DNAH9: variants seen among roughly 807,000 people sequenced by gnomAD.
DNAH9 encodes DNAH9 variant protein.
In DNAH9, 345 loss-of-function variants were observed where a neutral mutation model predicts 471.6. The observed-to-expected ratio is 0.73, with a 90% CI of 0.67 to 0.80. DNAH9 has a LOEUF of 0.80. DNAH9 is among the 30% of genes least tolerant of loss of function. The pLI is 0.00. For synonymous variants in DNAH9, 2,093 were observed against 2,123.6 expected, an observed-to-expected ratio of 0.99 and a Z score of 0.40; for missense variants, 5,407 against 5,609.2, an observed-to-expected ratio of 0.96 and a Z score of 1.15.
At chr17:11,902,518 T>C (rs899289944) in intron 59 of DNAH9, among the ~76,000 whole-genome samples, 100 of 152,304 alleles carry the variant, frequency 6.6e-4, no homozygotes, top group Non-Finnish European at 1.3e-3. Flanking sequence ...AAATCTTGCA[T>C]GTTATTGGGG....
At chr17:11,833,808 A>G (rs1201638724) in intron 48 of DNAH9, among the ~76,000 whole-genome samples, 1 of 152,154 alleles carries the variant, frequency 6.6e-6, no homozygotes, top group East Asian at 1.9e-4. Flanking sequence ...TATATGTTCT[A>G]TCATTGTCCA....
rs2072908885 is a variant in DNAH9 at position 11,623,245 on chromosome 17, A to T, written c.1350+3464A>T. ...CAGCTTGGCCTCCCAAAGTGCTGGG[A>T]TTACAGGTGTGAGCCACCGTGCCCG... On this transcript the variant is annotated intron_variant, in intron 6 of 68. Transcript: ENST00000262442. This position sits in a 1 kb window ranked among gnomAD's most constrained non-coding sequence, Gnocchi z 4.1. Among the ~76,000 whole-genome samples, 1 of 152,008 alleles carries T rather than the reference A, an allele frequency of 6.6e-6. No homozygotes were observed. Among genetic ancestry groups the T allele is most frequent in the Non-Finnish European group, 1.5e-5 (1 of 68,002 alleles).
In DNAH9 at chr17:11,871,864, T is replaced by C. The variant is rs535758115; in HGVS notation, c.10242+78T>C. On this transcript the variant is annotated intron_variant, in intron 52 of 68. Coordinates refer to ENST00000262442, the MANE Select transcript of DNAH9 (RefSeq NM_001372.4). Reference sequence around the variant, plus strand: ...GAAGACATCACGGTCATAATTCGCATCCTCTGGTGTCCTCCTGCACACTCA... The same window carrying C: ...GAAGACATCACGGTCATAATTCGCACCCTCTGGTGTCCTCCTGCACACTCA... 22 of 1,447,222 alleles carry C rather than the reference T, an allele frequency of 1.5e-5. No homozygotes were observed. The South Asian group carries it at 2.6e-4, about 17-fold the overall frequency. The allele number at this position is 1,447,222 out of a possible 1,614,324, so 89.6% of individuals were successfully genotyped here. A position where few individuals can be genotyped will look rare whatever the true frequency, so the allele number is the denominator to read the frequency against.
chr17:11,768,025 C>T (rs1336303330), intron 36 of DNAH9, among the ~76,000 whole-genome samples: 2 of 152,146 alleles, frequency 1.3e-5, no homozygotes, highest in Non-Finnish European at 2.9e-5. Flanking sequence ...GCGCTCTGTG[C>T]CCCAGGTGTC....
chr17:11,832,623 C>G (rs544455455), intron 48 of DNAH9, among the ~76,000 whole-genome samples: 12 of 152,204 alleles, frequency 7.9e-5, no homozygotes, highest in Non-Finnish European at 1.3e-4. Flanking sequence ...AAAGAGCATT[C>G]TCTTTTTTCC....
intron 32 of DNAH9, among the ~76,000 whole-genome samples, 163 bp downstream of exon 32, chr17:11,747,929 G>C (rs1181482779): frequency 6.6e-6 from 1 of 152,116 alleles, no homozygotes; most frequent in African/African-American, 2.4e-5. Context: ...ACCAATTTTG[G>C]CTTGCAGGGG....
intron 14 of DNAH9, among the ~76,000 whole-genome samples, chr17:11,660,445 C>A (rs1318618241): frequency 2.0e-5 from 3 of 151,604 alleles, no homozygotes; most frequent in African/African-American, 7.3e-5. Flanking sequence ...GCTTCAGCCT[C>A]CCAAATGGCT....
rs773663031 is a variant in DNAH9, at chr17:11,894,477, A to G, written c.11387A>G (p.Gln3796Arg). 1.9e-6 allele frequency: 3 copies of G among 1,614,156 alleles called. No homozygotes were observed. The highest frequency in any genetic ancestry group is 2.2e-5 in the South Asian group (2 of 91,080). ...AGCCCCGTGGAGTTCCTCTCCCATCAGGCGTGGGGAGCTGTCAAGGTCAGT... is the reference window on the plus strand; with the variant it reads ...AGCCCCGTGGAGTTCCTCTCCCATCGGGCGTGGGGAGCTGTCAAGGTCAGT... ...TASPVEFLSH[Q>R]AWGAVKVLSS... Residue 3796 changes from glutamine to arginine, a missense_variant, in exon 59 of 69, where the codon CAG (glutamine) becomes CGG (arginine). By Grantham distance (43) the Gln-to-Arg change is conservative. Transcript: ENST00000262442.
In DNAH9 at chr17:11,647,063, C is replaced by A; in HGVS notation, c.1971-9C>A. 6.2e-7 allele frequency: 1 copy of A among 1,613,348 alleles called. No individual in the cohort carries two copies. The highest frequency in any genetic ancestry group is 8.5e-7 in the Non-Finnish European group (1 of 1,179,608). On this transcript the variant is annotated splice_polypyrimidine_tract_variant and intron_variant, in intron 11 of 68. Coordinates refer to ENST00000262442, the MANE Select transcript of DNAH9 (RefSeq NM_001372.4). ...CTTATGAGGTGGCTGTTGTCTCTGA[C>A]CCTTGCAGGTATGAGACAAGACTTT...
At chr17:11,824,097 C>G (rs1047663195) in intron 48 of DNAH9, among the ~76,000 whole-genome samples, 1 of 152,150 alleles carries the variant, frequency 6.6e-6, no homozygotes, top group Non-Finnish European at 1.5e-5. Context: ...CCTCTGCTCA[C>G]GCCCATCAAA....
rs1426826976 is a variant in DNAH9, at chr17:11,669,205, G to T, written c.2873G>T (p.Arg958Met). 1 of 1,613,986 alleles carries T rather than the reference G, an allele frequency of 6.2e-7. No individual in the cohort carries two copies. Among genetic ancestry groups the T allele is most frequent in the African/African-American group, 1.3e-5 (1 of 74,990 alleles). ...IVEGLITSIF[R>M]IPSLVPRLSP... ...GAGGGTCTCATCACCAGCATTTTTAGGATACCATCTCTGGTGCCACGGCTT... is the reference window on the plus strand; with the variant it reads ...GAGGGTCTCATCACCAGCATTTTTATGATACCATCTCTGGTGCCACGGCTT... The change falls in exon 16 of 69, where the codon AGG becomes ATG. Residue 958 changes from arginine to methionine, a missense_variant. Arg to Met is a moderately conservative substitution (Grantham distance 91). Coordinates refer to ENST00000262442, the MANE Select transcript of DNAH9 (RefSeq NM_001372.4).
chr17:11,623,033 G>A lies in DNAH9; in HGVS notation c.1350+3252G>A, dbSNP rs1597399544. 6.9e-6 allele frequency among the ~76,000 whole-genome samples: 1 copy of A among 145,750 alleles called. No homozygotes were observed. The highest frequency in any genetic ancestry group is 2.5e-5 in the African/African-American group (1 of 39,422). On this transcript the variant is annotated intron_variant, in intron 6 of 68. Transcript: ENST00000262442. The surrounding 1 kb of genome is among the most constrained non-coding windows in gnomAD (Gnocchi z 4.1). The stretch of plus-strand genomic sequence containing the variant: ...TTGTTGCCCAGGCTGGAGTGCAGTG[G>A]CACAATCTCGGCTCACGACAACCTC...
chr17:11,712,854 AT>A (rs138805124), intron 26 of DNAH9, among the ~76,000 whole-genome samples: 16,830 of 146,206 alleles, frequency 0.12, 1,211 homozygotes, highest in Middle Eastern at 0.18. Context: ...GTCTTTGCTC[AT>A]TTTTTTTTTC....
At chr17:11,945,537 C>CAAAAAAAA (rs34040154) in intron 67 of DNAH9, among the ~76,000 whole-genome samples, 1 of 102,370 alleles carries the variant, frequency 9.8e-6, no homozygotes, top group Non-Finnish European at 2.0e-5. Flanking sequence ...GATTCCATCT[C>CAAAAAAAA]AAAAAAAAAA....
At chr17:11,677,888 T>C (rs1165246769) in intron 17 of DNAH9, among the ~76,000 whole-genome samples, 1 of 152,034 alleles carries the variant, frequency 6.6e-6, no homozygotes, top group African/African-American at 2.4e-5. Context: ...TTTAGTCTCT[T>C]CACAATGATT....
rs756404862 is a variant in DNAH9, at chr17:11,742,248, G to T, written c.6046G>T (p.Ala2016Ser). 8.7e-6 allele frequency: 14 copies of T among 1,613,916 alleles called. No individual in the cohort carries two copies. Among genetic ancestry groups the T allele is most frequent in the Non-Finnish European group, 1.2e-5 (14 of 1,179,960 alleles). ...GCTGGTGGCAGAAGGATTCATTGAA[G>T]CCCAGTCATTAGCCAGAAAGTTCAT... ...IMLVAEGFIE[A>S]QSLARKFITL... The change falls in exon 30 of 69, where the codon GCC becomes TCC. Residue 2016 changes from alanine to serine, a missense_variant. Physicochemically the swap from Ala to Ser is moderately conservative, Grantham distance 99 (BLOSUM62 1). Transcript: ENST00000262442.
At chr17:11,638,377 T>C (rs2073203206) in intron 9 of DNAH9, among the ~76,000 whole-genome samples, 1 of 151,952 alleles carries the variant, frequency 6.6e-6, no homozygotes, top group Non-Finnish European at 1.5e-5. Flanking sequence ...CCACCATCCA[T>C]CTTTCAGCTC....
At chr17:11,643,256 C>G (rs1175353932) in intron 10 of DNAH9, among the ~76,000 whole-genome samples, 1 of 152,212 alleles carries the variant, frequency 6.6e-6, no homozygotes, top group Non-Finnish European at 1.5e-5. Context: ...TGTGTGCACA[C>G]TTGTGTTTAC....
At chr17:11,630,926 A>G (rs898014761) in intron 7 of DNAH9, among the ~76,000 whole-genome samples, 1 of 152,184 alleles carries the variant, frequency 6.6e-6, no homozygotes, top group African/African-American at 2.4e-5. Flanking sequence ...TTATTTGTCA[A>G]TTATAACTTA....
Sources: allele counts gnomAD v4.1 joint callset (sites outside exome capture counted in the v4.1 genomes callset), GRCh38; gene constraint gnomAD v4.1.1; non-coding constraint Gnocchi (gnomAD v3.1); transcripts MANE v1.5; gene names NCBI Gene and HGNC (gene_info 2026-07-23, HGNC 2026-07-21).